CNTN5: variants seen among roughly 807,000 people sequenced by gnomAD.
The protein encoded by CNTN5 is contactin 5.
A neutral mutation model predicts 129.1 loss-of-function variants in CNTN5; 77 were observed. That is an observed-to-expected ratio of 0.60 (90% CI 0.50 to 0.72). The LOEUF is 0.72. Ranked by LOEUF, CNTN5 falls within the 30% of genes least tolerant of loss-of-function variation. The pLI, the probability that CNTN5 is intolerant of heterozygous loss-of-function variation, is 0.00. For missense variants in CNTN5, 1,478 were observed against 1,328.8 expected (o/e 1.11, Z -1.75); for synonymous variants, 509 against 465.6 (o/e 1.09, Z -1.20).
At chr11:99,082,600 C>G (rs1431557805) in intron 1 of CNTN5, among the ~76,000 whole-genome samples, 1 of 152,104 alleles carries the variant, frequency 6.6e-6, no homozygotes, top group Non-Finnish European at 1.5e-5. Flanking sequence ...AGGAAGAAAA[C>G]CTTTAACTTA....
chr11:99,817,428 G>A (rs1056217207), intron 3 of CNTN5, among the ~76,000 whole-genome samples: 6 of 152,058 alleles, frequency 3.9e-5, no homozygotes, highest in Non-Finnish European at 7.4e-5. Context: ...TTAGTATTTG[G>A]TTAAAATATG....
intron 9 of CNTN5, among the ~76,000 whole-genome samples, chr11:100,014,121 G>A (rs189014269): frequency 2.0e-4 from 30 of 152,072 alleles, no homozygotes; most frequent in Non-Finnish European, 1.0e-4. Flanking sequence ...TCAGTAATGT[G>A]CATGCCATTA....
intron 1 of CNTN5, among the ~76,000 whole-genome samples, chr11:99,121,694 GA>G (rs1345523266): frequency 6.6e-6 from 1 of 152,154 alleles, no homozygotes; most frequent in Non-Finnish European, 1.5e-5. Context: ...GGGCAGCAAT[GA>G]AACACCAGAG....
At chr11:100,120,098 T>A (rs1945966330) in intron 13 of CNTN5, among the ~76,000 whole-genome samples, 1 of 151,368 alleles carries the variant, frequency 6.6e-6, no homozygotes, top group Admixed American at 6.6e-5. Context: ...AATATCTCCT[T>A]TATGCCTGCA....
intron 13 of CNTN5, among the ~76,000 whole-genome samples, chr11:100,104,094 C>CTTT (rs1040980175): frequency 2.4e-4 from 32 of 132,092 alleles, no homozygotes; most frequent in East Asian, 1.6e-3. Context: ...GAAAACGTCA[C>CTTT]TTTTTTTTTT....
At chr11:100,151,609 A>G (rs1947061457) in intron 13 of CNTN5, among the ~76,000 whole-genome samples, 1 of 152,150 alleles carries the variant, frequency 6.6e-6, no homozygotes, top group South Asian at 2.1e-4. Context: ...TTGAACAGAT[A>G]TTACCAACTT....
chr11:99,966,691 G>T (rs1384969306), intron 8 of CNTN5, among the ~76,000 whole-genome samples: 1 of 152,300 alleles, frequency 6.6e-6, no homozygotes, highest in African/African-American at 2.4e-5. Context: ...CACACAAGAA[G>T]TATCTGAAAC....
chr11:99,709,728 G>A (rs77457558), intron 3 of CNTN5, among the ~76,000 whole-genome samples: 8,275 of 151,764 alleles, frequency 0.055, 340 homozygotes, highest in East Asian at 0.19. Flanking sequence ...AGTTTGAAAA[G>A]GATTCATTAA....
intron 13 of CNTN5, among the ~76,000 whole-genome samples, chr11:100,078,881 A>G (rs2137915671): frequency 6.6e-6 from 1 of 152,178 alleles, no homozygotes; most frequent in South Asian, 2.1e-4. Flanking sequence ...CCTATAAAGT[A>G]CTGCCCAAGA....
chr11:99,926,045 C>T (rs1950054874), intron 7 of CNTN5, among the ~76,000 whole-genome samples: 1 of 152,094 alleles, frequency 6.6e-6, no homozygotes, highest in Non-Finnish European at 1.5e-5. Context: ...TAAAAGCTAC[C>T]TCACAGCATT....
intron 15 of CNTN5, among the ~76,000 whole-genome samples, chr11:100,197,609 T>C (rs933387711): frequency 6.6e-6 from 1 of 151,996 alleles, no homozygotes; most frequent in Admixed American, 6.6e-5. Flanking sequence ...CTATTGAGCA[T>C]TGCCATGTGG....
At chr11:99,209,846 TA>T (rs1216248139) in intron 1 of CNTN5, among the ~76,000 whole-genome samples, 1 of 152,164 alleles carries the variant, frequency 6.6e-6, no homozygotes, top group Non-Finnish European at 1.5e-5. Flanking sequence ...GCTTCCAAAG[TA>T]CATCTTTGTC....
intron 1 of CNTN5, among the ~76,000 whole-genome samples, chr11:99,078,847 T>C (rs1865685767): frequency 6.6e-6 from 1 of 152,062 alleles, no homozygotes; most frequent in Middle Eastern, 3.4e-3. Context: ...TATAAAAATA[T>C]AGTGAGAATG....
rs1025446706 is a variant in CNTN5, at chr11:99,167,331, A to C, written c.-210+146061A>C. On this transcript the variant is annotated intron_variant, in intron 1 of 24. Transcript: ENST00000524871. ...TAGATAAGCAGATATATTTTGCATT[A>C]TGTAAATTATATAGTTAAATTGATT... Among the ~76,000 whole-genome samples the C allele has an allele frequency of 2.6e-5, 4 of 152,166 alleles. No individual in the cohort carries two copies. The East Asian group carries it at 5.8e-4, about 22-fold the overall frequency.
In CNTN5 at chr11:99,674,662, T is replaced by G. The variant is rs916485364; in HGVS notation, c.55+118393T>G. Reference sequence around the variant, plus strand: ...AAAAAGCACAAAGTAGAGGAACTCATGCTTACATGTCTGAGACAAGGATTG... The same window carrying G: ...AAAAAGCACAAAGTAGAGGAACTCAGGCTTACATGTCTGAGACAAGGATTG... On this transcript the variant is annotated intron_variant, in intron 3 of 24. Transcript: ENST00000524871. 3.2e-4 allele frequency among the ~76,000 whole-genome samples: 49 copies of G among 152,258 alleles called. 1 individual carries two copies. Among genetic ancestry groups the G allele is most frequent in the Middle Eastern group, 3.4e-3 (1 of 294 alleles).
intron 1 of CNTN5, among the ~76,000 whole-genome samples, chr11:99,056,384 C>T (rs10892719): frequency 0.22 from 34,052 of 151,552 alleles, 4,003 homozygotes; most frequent in East Asian, 0.33. Context: ...AACTTAGAAC[C>T]ATGCTCCAAA....
At chr11:99,024,010 A>C (rs552847381) in intron 1 of CNTN5, among the ~76,000 whole-genome samples, 2 of 152,172 alleles carry the variant, frequency 1.3e-5, no homozygotes, top group Non-Finnish European at 2.9e-5. Context: ...TTAACACTTT[A>C]TAGCAGGAAA....
chr11:99,124,261 T>A (rs1858506880), intron 1 of CNTN5, among the ~76,000 whole-genome samples: 2 of 152,126 alleles, frequency 1.3e-5, no homozygotes, highest in Admixed American at 1.3e-4. Context: ...GTTAGCTATA[T>A]TCCTAGGCAT....
At chr11:99,477,994 T>G (rs1257396164) in intron 2 of CNTN5, among the ~76,000 whole-genome samples, 1 of 152,114 alleles carries the variant, frequency 6.6e-6, no homozygotes, top group African/African-American at 2.4e-5. Context: ...AGATGATTTT[T>G]TTCTTTGCCT....
Sources: allele counts gnomAD v4.1 joint callset (sites outside exome capture counted in the v4.1 genomes callset), GRCh38; gene constraint gnomAD v4.1.1; transcripts MANE v1.5; gene names NCBI Gene and HGNC (gene_info 2026-07-23, HGNC 2026-07-21).